Variants in SLC12A6 observed in about 807,000 individuals in gnomAD.
The protein encoded by SLC12A6 is solute carrier family 12 member 6.
A neutral mutation model predicts 135.3 loss-of-function variants in SLC12A6; 66 were observed. The ratio of observed to expected loss-of-function variants is 0.49; its 90% confidence interval spans 0.40 to 0.60. The LOEUF is 0.60. SLC12A6 is among the 20% of genes least tolerant of loss of function. SLC12A6 has a pLI of 0.00. For synonymous variants in SLC12A6, 513 were observed against 508.8 expected, an observed-to-expected ratio of 1.01 and a Z score of -0.11; for missense variants, 1,058 against 1,452.3, an observed-to-expected ratio of 0.73 and a Z score of 4.41.
At chr15:34,238,498 T>C (rs1891428351) in intron 20 of SLC12A6, 97 bp from the exon 21 acceptor site, 1 of 905,854 alleles carries the variant, frequency 1.1e-6, no homozygotes, top group African/African-American at 1.6e-5. Flanking sequence ...CACACTTCTT[T>C]GAGCAAGGGG....
intron 2 of SLC12A6, among the ~76,000 whole-genome samples, chr15:34,312,755 C>A (rs1888350514): frequency 6.6e-6 from 1 of 152,164 alleles, no homozygotes; most frequent in South Asian, 2.1e-4. Context: ...TCTGTGGCAA[C>A]CCTATGTCAA....
chr15:34,257,902 T>C (rs1892862372), intron 5 of SLC12A6, 114 bp from the exon 6 acceptor site: 1 of 719,858 alleles, frequency 1.4e-6, no homozygotes, highest in Non-Finnish European at 2.4e-6. Flanking sequence ...GCAGAAATCA[T>C]AAGTTTAATC....
At chr15:34,307,983 A>G (rs1486611511) in intron 2 of SLC12A6, among the ~76,000 whole-genome samples, 6 of 152,214 alleles carry the variant, frequency 3.9e-5, no homozygotes, top group African/African-American at 1.4e-4. Context: ...TTTGTTATTT[A>G]TGTACCATAT....
rs1420067523 is a variant in SLC12A6 at position 34,231,907 on chromosome 15, T to C, written c.*1974A>G. 6.7e-6 allele frequency: 1 copy of C among 148,908 alleles called. No individual in the cohort carries two copies. Among genetic ancestry groups the C allele is most frequent in the Non-Finnish European group, 1.5e-5 (1 of 67,192 alleles). 9.2% of individuals were successfully genotyped at this position (148,908 alleles called of 1,614,324 possible). A position where few individuals can be genotyped will look rare whatever the true frequency, so the allele number is the denominator to read the frequency against. On this transcript the variant is annotated 3_prime_UTR_variant, in exon 26 of 26. Transcript: ENST00000354181. The stretch of plus-strand genomic sequence containing the variant: ...ACCCGGCCCAAAATTACTCAATTTC[T>C]TAAGCTATATTGAAGGGTTTTCTCT...
At chr15:34,247,464 C>T (rs1892073689) in intron 13 of SLC12A6, among the ~76,000 whole-genome samples, 1 of 151,900 alleles carries the variant, frequency 6.6e-6, no homozygotes, top group Admixed American at 6.6e-5. Context: ...TTGCAGTGAG[C>T]CGAGACTGCG....
chr15:34,300,123 C>T (rs1400008546), intron 2 of SLC12A6, among the ~76,000 whole-genome samples: 1 of 152,032 alleles, frequency 6.6e-6, no homozygotes, highest in African/African-American at 2.4e-5. Flanking sequence ...TTAGAAATCA[C>T]AAGAGTTAGG....
At chr15:34,248,568 CCA>C (rs34055235) in intron 13 of SLC12A6, among the ~76,000 whole-genome samples, 107,259 of 149,276 alleles carry the variant, frequency 0.72, 38,672 homozygotes, top group Non-Finnish European at 0.77. Flanking sequence ...ACACCCCCAC[CCA>C]CACACACACA....
At chr15:34,295,579 G>C (rs1380005889) in intron 2 of SLC12A6, among the ~76,000 whole-genome samples, 1 of 152,190 alleles carries the variant, frequency 6.6e-6, no homozygotes, top group Non-Finnish European at 1.5e-5. Context: ...TAATGTGGTT[G>C]AATTCTTAGC....
intron 18 of SLC12A6, 192 bp from the exon 19 acceptor site, chr15:34,241,021 G>A (rs1891606975): frequency 1.5e-6 from 1 of 656,932 alleles, no homozygotes. Context: ...AAGTTGATCA[G>A]TCTTCAAGGA....
At chr15:34,303,781 T>C (rs890201038) in intron 2 of SLC12A6, among the ~76,000 whole-genome samples, 15 of 152,180 alleles carry the variant, frequency 9.9e-5, no homozygotes, top group Admixed American at 2.0e-4. Context: ...CCCTCTGCCA[T>C]GGGAAGATGC....
chr15:34,255,285 G>C lies in SLC12A6; in HGVS notation c.853C>G (p.Leu285Val). The C allele has an allele frequency of 6.2e-7, 1 of 1,609,740 alleles. No individual in the cohort carries two copies. The highest frequency in any genetic ancestry group is 8.5e-7 in the Non-Finnish European group (1 of 1,175,968). ...GTTFAAAMYI[L>V]GAIEIFLVYI... ...ACCAGAAAGATTTCAATGGCACCAA[G>C]GATGTACATGGCTGCTGCAAATGTG... The change falls in exon 8 of 26, where the codon CTT (leucine) becomes GTT (valine). Residue 285 changes from leucine (L) to valine (V), a missense_variant. This residue lies in a region of SLC12A6 where 139 missense variants were observed against 202.2 expected (regional missense o/e 0.69). Coordinates refer to ENST00000354181, the MANE Select transcript of SLC12A6 (RefSeq NM_001365088.1).
At chr15:34,250,265 C>T (rs1443750955) in intron 13 of SLC12A6, 33 bp downstream of exon 13, 1 of 1,157,712 alleles carries the variant, frequency 8.6e-7, no homozygotes, top group Non-Finnish European at 1.3e-6. Flanking sequence ...GGCAGACACA[C>T]ACATAATTGT....
chr15:34,316,409 A>G (rs1888655748), intron 2 of SLC12A6, among the ~76,000 whole-genome samples: 1 of 152,224 alleles, frequency 6.6e-6, no homozygotes, highest in South Asian at 2.1e-4. Context: ...AAAAAAACAA[A>G]TAACTTTTAG....
In SLC12A6 at chr15:34,254,888, C is replaced by T. The variant is rs77231823; in HGVS notation, c.877-299G>A. On this transcript the variant is annotated intron_variant, in intron 8 of 25. Coordinates refer to ENST00000354181, the MANE Select transcript of SLC12A6 (RefSeq NM_001365088.1). ...TATATAAAGTAATTATAATGATGATCTTTAACCCTGACTCTACTATCACTA... is the reference window on the plus strand; with the variant it reads ...TATATAAAGTAATTATAATGATGATTTTTAACCCTGACTCTACTATCACTA... 9.7e-3 allele frequency among the ~76,000 whole-genome samples: 1,478 copies of T among 151,864 alleles called. 19 individuals are homozygous for T. The highest frequency in any genetic ancestry group is 0.035 in the African/African-American group (1,432 of 41,406).
intron 2 of SLC12A6, among the ~76,000 whole-genome samples, chr15:34,291,491 C>T (rs347812): frequency 0.39 from 58,572 of 151,930 alleles, 14,314 homozygotes; most frequent in African/African-American, 0.71. Context: ...AGCATCTTTG[C>T]GGTGTTCTCT....
At chr15:34,297,344 A>T (rs1895942232) in intron 2 of SLC12A6, among the ~76,000 whole-genome samples, 1 of 152,178 alleles carries the variant, frequency 6.6e-6, no homozygotes, top group South Asian at 2.1e-4. Context: ...GAAAAAAATT[A>T]AATAAACACA....
intron 2 of SLC12A6, among the ~76,000 whole-genome samples, chr15:34,328,736 A>C (rs1026402523): frequency 3.9e-5 from 6 of 152,096 alleles, no homozygotes; most frequent in African/African-American, 7.2e-5. Flanking sequence ...TACAAAAGTT[A>C]GCTGGGCATG....
At position 34,327,563 on chromosome 15, in the gene SLC12A6, G is replaced by C. The variant is rs1889554255; in HGVS notation, c.271+8847C>G. Among the ~76,000 whole-genome samples the C allele has an allele frequency of 3.3e-5, 5 of 151,956 alleles. 1 individual carries two copies. In the South Asian group the frequency reaches 1.0e-3, roughly 31 times the overall value. On this transcript the variant is annotated intron_variant, in intron 2 of 25. Coordinates refer to ENST00000354181, the MANE Select transcript of SLC12A6 (RefSeq NM_001365088.1). ...ATCCCAGCTACTCAGGAGGCTGAGGGAGGAGAACTGCTTGAACCTGTGAGG... is the reference window on the plus strand; with the variant it reads ...ATCCCAGCTACTCAGGAGGCTGAGGCAGGAGAACTGCTTGAACCTGTGAGG...
intron 3 of SLC12A6, among the ~76,000 whole-genome samples, chr15:34,261,568 G>T (rs1595453923): frequency 6.6e-6 from 1 of 152,146 alleles, no homozygotes; most frequent in Non-Finnish European, 1.5e-5. Context: ...AAAGTGCTGG[G>T]ATTACAGGCG....
Sources: gnomAD v4.1 joint callset for allele counts (sites outside exome capture counted in the v4.1 genomes callset) on GRCh38, gnomAD v4.1.1 for gene constraint, gnomAD v4.1.1 regional missense constraint, MANE v1.5 for transcripts, NCBI Gene and HGNC (gene_info 2026-07-23, HGNC 2026-07-21) for gene names.